The following ABI3BP variants were observed in gnomAD, a reference collection of about 807,000 sequenced individuals.
ABI3BP encodes the protein target of Nesh-SH3.
In ABI3BP, 216 loss-of-function variants were observed where a neutral mutation model predicts 268.6. The ratio of observed to expected loss-of-function variants is 0.80; its 90% confidence interval spans 0.72 to 0.90. ABI3BP has a LOEUF of 0.90. ABI3BP is among the 40% of genes least tolerant of loss of function. ABI3BP has a pLI of 0.00. For missense variants in ABI3BP, 2,090 were observed against 2,182.4 expected, an observed-to-expected ratio of 0.96 and a Z score of 0.84; for synonymous variants, 730 against 730.0, an observed-to-expected ratio of 1.00 and a Z score of 0.00.
chr3:100,989,503 T>C (rs187949634), intron 1 of ABI3BP, among the ~76,000 whole-genome samples: 48 of 152,316 alleles, frequency 3.2e-4, no homozygotes, highest in Non-Finnish European at 5.3e-4. Context: ...TTCTACTCTG[T>C]TAGGTAAGAA....
intron 44 of ABI3BP, among the ~76,000 whole-genome samples, chr3:100,814,832 AG>A (rs958141913): frequency 2.0e-5 from 3 of 152,174 alleles, no homozygotes; most frequent in African/African-American, 2.4e-5. Context: ...ATCCTTTGTT[AG>A]ATACAGTCCT....
In ABI3BP at chr3:100,749,355, T is replaced by G. The variant is rs937330225; in HGVS notation, c.*1140A>C. The G allele has an allele frequency of 4.2e-6, 1 of 237,512 alleles. No individual in the cohort carries two copies. The highest frequency in any genetic ancestry group is 2.8e-5 in the African/African-American group (1 of 35,850). The allele number at this position is 237,512 out of a possible 1,614,324, so 14.7% of individuals were successfully genotyped here. On this transcript the variant is annotated 3_prime_UTR_variant, in exon 68 of 68. Transcript: ENST00000471714. Reference sequence around the variant, plus strand: ...CAATCTTAAAAAAAAACTACATCTCTTTATTGCAGAATTTATACTTGTTTG... The same window carrying G: ...CAATCTTAAAAAAAAACTACATCTCGTTATTGCAGAATTTATACTTGTTTG...
chr3:100,814,427 G>A (rs1229688750), intron 44 of ABI3BP, among the ~76,000 whole-genome samples: 1 of 151,904 alleles, frequency 6.6e-6, no homozygotes, highest in African/African-American at 2.4e-5. Context: ...TGTTTTATTT[G>A]TGCTGTTCCC....
chr3:100,921,939 C>G (rs1290114791), intron 2 of ABI3BP, among the ~76,000 whole-genome samples: 1 of 152,180 alleles, frequency 6.6e-6, no homozygotes, highest in African/African-American at 2.4e-5. Context: ...TGATGGTAAA[C>G]ATATCATTAA....
At chr3:100,993,190 T>C in intron 1 of ABI3BP, 116 bp downstream of exon 1, 1 of 695,658 alleles carries the variant, frequency 1.4e-6, no homozygotes, top group Non-Finnish European at 2.3e-6. Context: ...ACTTTGAATC[T>C]CTGCAGAATA....
At chr3:100,859,161 T>G (rs1489110593) in intron 14 of ABI3BP, among the ~76,000 whole-genome samples, 5 of 152,172 alleles carry the variant, frequency 3.3e-5, no homozygotes, top group African/African-American at 1.2e-4. Context: ...TAAATGAATG[T>G]AAATTTGTTC....
rs565755862 is a variant in ABI3BP at position 100,841,691 on chromosome 3, C to T, written c.1765+307G>A. Among the ~76,000 whole-genome samples, 25 of 152,100 alleles carry T rather than the reference C, an allele frequency of 1.6e-4. No individual in the cohort carries two copies. The South Asian group carries it at 5.2e-3, about 32-fold the overall frequency. Reference sequence around the variant, plus strand: ...ATCACCTGAGATCAGGAGTTTGAGACCAGCCTGGCCAGCGTGGTGAAACCC... The same window carrying T: ...ATCACCTGAGATCAGGAGTTTGAGATCAGCCTGGCCAGCGTGGTGAAACCC... On this transcript the variant is annotated intron_variant, in intron 21 of 67. Transcript: ENST00000471714.
intron 6 of ABI3BP, among the ~76,000 whole-genome samples, chr3:100,884,775 G>C (rs1037885773): frequency 6.6e-6 from 1 of 151,772 alleles, no homozygotes; most frequent in African/African-American, 2.4e-5. Context: ...TGCCTCCTCT[G>C]TCTGCCCAGT....
chr3:100,767,113 A>G (rs1279187081), intron 62 of ABI3BP, among the ~76,000 whole-genome samples: 1 of 151,874 alleles, frequency 6.6e-6, no homozygotes, highest in African/African-American at 2.4e-5. Flanking sequence ...ACACCCAGCT[A>G]ATTTTTTGTA....
At chr3:100,845,343 C>T (rs1457902988) in intron 20 of ABI3BP, among the ~76,000 whole-genome samples, 1 of 152,160 alleles carries the variant, frequency 6.6e-6, no homozygotes, top group Non-Finnish European at 1.5e-5. Flanking sequence ...ACTTGGAGAC[C>T]TCATCCATGG....
chr3:100,914,316 C>T (rs1220999609), intron 2 of ABI3BP: 1 of 313,394 alleles, frequency 3.2e-6, no homozygotes, highest in Non-Finnish European at 6.6e-6. Flanking sequence ...TGACAGAACA[C>T]TCTGTTATGC....
intron 4 of ABI3BP, among the ~76,000 whole-genome samples, chr3:100,890,817 G>A (rs2044264546): frequency 6.6e-6 from 1 of 151,946 alleles, no homozygotes; most frequent in African/African-American, 2.4e-5. Flanking sequence ...CATTTCTGAT[G>A]ACTTCAGAGT....
At chr3:100,919,754 T>C (rs375208811) in intron 2 of ABI3BP, among the ~76,000 whole-genome samples, 1 of 152,220 alleles carries the variant, frequency 6.6e-6, no homozygotes, top group Non-Finnish European at 1.5e-5. Context: ...ATTCTCGCTA[T>C]CTTCTTGCTA....
Position 100,844,557 on chromosome 3 carries a change from G to A in ABI3BP, c.1723+1815C>T, listed in dbSNP as rs1285991147. 6.5e-6 allele frequency: 4 copies of A among 615,082 alleles called. No homozygotes were observed. The Admixed American group carries it at 1.9e-4, about 29-fold the overall frequency. The allele number at this position is 615,082 out of a possible 1,614,324, so 38.1% of individuals were successfully genotyped here. ...AAGGCCTCAAAAAGCTTTGGGTGGT[G>A]TATTTGCTCTTCCAAACCTTGGCTA... On this transcript the variant is annotated intron_variant, in intron 20 of 67. Transcript: ENST00000471714.
chr3:100,891,641 G>C (rs1325640930), intron 4 of ABI3BP, among the ~76,000 whole-genome samples: 1 of 152,188 alleles, frequency 6.6e-6, no homozygotes, highest in East Asian at 1.9e-4. Flanking sequence ...ATGCTATGAT[G>C]CCATCCCTGG....
rs762510750 is a variant in ABI3BP at position 100,811,266 on chromosome 3, T to C, written c.3505A>G (p.Ile1169Val). 12 of 1,533,686 alleles carry C rather than the reference T, an allele frequency of 7.8e-6. No individual in the cohort carries two copies. The African/African-American group carries it at 1.6e-4, about 21-fold the overall frequency. The change falls in exon 48 of 68, where the codon ATT (isoleucine) becomes GTT (valine). Residue 1169 changes from isoleucine (I) to valine (V), a missense_variant. Transcript: ENST00000471714. ...EEPKTEVVES[I>V]TYVSEPPETT... is the part of the protein sequence containing the mutation. ...TCAGGTGGTTCAGATACATATGTAATAGATTCCACAACTGTACCAAAACAA... is the reference window on the plus strand; with the variant it reads ...TCAGGTGGTTCAGATACATATGTAACAGATTCCACAACTGTACCAAAACAA...
At chr3:100,830,161 ATAT>A (rs1579423407) in intron 32 of ABI3BP, among the ~76,000 whole-genome samples, 7 of 100,004 alleles carry the variant, frequency 7.0e-5, no homozygotes, top group Non-Finnish European at 1.5e-4. Context: ...ATATATATAT[ATAT>A]AAAATGCAGA....
chr3:100,837,475 C>T (rs866533713), intron 26 of ABI3BP, among the ~76,000 whole-genome samples: 4 of 152,218 alleles, frequency 2.6e-5, no homozygotes, highest in South Asian at 2.1e-4. Context: ...AAATGTTGGC[C>T]GGGCACGTTG....
At chr3:100,805,414 G>T (rs1413160415) in intron 50 of ABI3BP, among the ~76,000 whole-genome samples, 1 of 151,992 alleles carries the variant, frequency 6.6e-6, no homozygotes, top group East Asian at 1.9e-4. Flanking sequence ...AAATGAATTT[G>T]CTGACAACTA....
Sources: gnomAD v4.1 joint callset for allele counts (sites outside exome capture counted in the v4.1 genomes callset) on GRCh38, gnomAD v4.1.1 for gene constraint, MANE v1.5 for transcripts, NCBI Gene and HGNC (gene_info 2026-07-23, HGNC 2026-07-21) for gene names.